The following NCALD variants were observed in gnomAD, a reference collection of about 807,000 sequenced individuals.
NCALD encodes the protein neurocalcin delta.
A neutral mutation model predicts 18.6 loss-of-function variants in NCALD; 10 were observed. The ratio of observed to expected loss-of-function variants is 0.54; its 90% CI spans 0.33 to 0.91. NCALD has a LOEUF of 0.91. Ranked by LOEUF, NCALD falls within the 40% of genes least tolerant of loss-of-function variation. The pLI is 0.03. For synonymous variants in NCALD, 88 were observed against 87.4 expected, an observed-to-expected ratio of 1.01 and a Z score of -0.04; for missense variants, 184 against 247.6, an observed-to-expected ratio of 0.74 and a Z score of 1.72.
intron 4 of NCALD, among the ~76,000 whole-genome samples, chr8:101,855,889 T>C (rs779636348): frequency 6.6e-6 from 1 of 152,210 alleles, no homozygotes; most frequent in African/African-American, 2.4e-5. Flanking sequence ...TGCTTCTAAT[T>C]ATAAGGTCTT....
At chr8:102,124,381 G>C (rs112818642), upstream of NCALD, 1 of 150,642 alleles carries the variant, frequency 6.6e-6, no homozygotes, top group African/African-American at 2.5e-5. Flanking sequence ...CTCCCTCCTC[G>C]CGGCCGCAGA....
At chr8:101,787,363 GA>G (rs1805969996) in intron 1 of NCALD, among the ~76,000 whole-genome samples, 2 of 152,186 alleles carry the variant, frequency 1.3e-5, no homozygotes, top group African/African-American at 4.8e-5. Context: ...GAGAACACAC[GA>G]AGACAAATTG....
intron 1 of NCALD, among the ~76,000 whole-genome samples, chr8:102,025,965 T>G (rs756238408): frequency 9.2e-5 from 14 of 152,134 alleles, no homozygotes; most frequent in Non-Finnish European, 1.8e-4. Flanking sequence ...ACATCCTTCT[T>G]CACACAGCAG....
At chr8:102,077,443 A>T (rs1303651896) in intron 1 of NCALD, among the ~76,000 whole-genome samples, 1 of 105,616 alleles carries the variant, frequency 9.5e-6, no homozygotes, top group Non-Finnish European at 2.0e-5. Context: ...ATGCCTCTGA[A>T]ATTGTTTCGA....
chr8:101,784,645 CA>C (rs1473745153), intron 1 of NCALD, among the ~76,000 whole-genome samples: 1 of 151,748 alleles, frequency 6.6e-6, no homozygotes, highest in South Asian at 2.1e-4. Context: ...AAAATAAAAA[CA>C]AAAATTTAGC....
intron 4 of NCALD, among the ~76,000 whole-genome samples, chr8:101,813,778 T>G (rs1422892856): frequency 6.6e-6 from 1 of 152,088 alleles, no homozygotes; most frequent in East Asian, 1.9e-4. Context: ...ATTATAGGAT[T>G]TGGTCCAGAT....
At chr8:101,897,407 C>G (rs1399360456) in intron 3 of NCALD, among the ~76,000 whole-genome samples, 1 of 145,646 alleles carries the variant, frequency 6.9e-6, no homozygotes, top group Non-Finnish European at 1.5e-5. Context: ...GGGAGATATA[C>G]CTAATGCTAG....
intron 2 of NCALD, among the ~76,000 whole-genome samples, chr8:101,995,914 C>A (rs968793390): frequency 6.6e-6 from 1 of 152,220 alleles, no homozygotes. Context: ...TAACTAACTT[C>A]TGCCCTGCAA....
intron 2 of NCALD, among the ~76,000 whole-genome samples, chr8:101,994,727 G>T (rs780770791): frequency 1.3e-5 from 2 of 152,134 alleles, no homozygotes; most frequent in Non-Finnish European, 2.9e-5. Context: ...ATATCCCCAA[G>T]GCTCATTACT....
At chr8:101,718,472 T>C (rs1209761899) in intron 2 of NCALD, among the ~76,000 whole-genome samples, 1 of 152,094 alleles carries the variant, frequency 6.6e-6, no homozygotes, top group Non-Finnish European at 1.5e-5. Context: ...CCCTATACTA[T>C]TTGTTCAGGG....
intron 1 of NCALD, among the ~76,000 whole-genome samples, chr8:102,060,231 TTG>T (rs1823799315): frequency 9.0e-5 from 7 of 78,038 alleles, no homozygotes; most frequent in African/African-American, 8.8e-4. Context: ...TCTGCCCGCC[TTG>T]GCCTCCCAAA....
chr8:102,015,050 G>A (rs900650555), intron 2 of NCALD, among the ~76,000 whole-genome samples: 5 of 152,108 alleles, frequency 3.3e-5, no homozygotes, highest in Admixed American at 2.0e-4. Context: ...CTCCCGAGAT[G>A]GCTAGGAAAT....
chr8:101,869,651 GC>G (rs1815924330), intron 4 of NCALD, among the ~76,000 whole-genome samples: 2 of 152,182 alleles, frequency 1.3e-5, no homozygotes, highest in South Asian at 4.1e-4. Flanking sequence ...TCTGCCTCTT[GC>G]CTCGGGCACC....
intron 2 of NCALD, among the ~76,000 whole-genome samples, chr8:101,954,249 A>G (rs867158510): frequency 6.6e-6 from 1 of 152,172 alleles, no homozygotes; most frequent in Non-Finnish European, 1.5e-5. Context: ...ACATCAGTAG[A>G]ATATGACAGG....
chr8:101,700,912 A>C (rs1291220233), intron 2 of NCALD, among the ~76,000 whole-genome samples: 1 of 152,186 alleles, frequency 6.6e-6, no homozygotes, highest in Non-Finnish European at 1.5e-5. Context: ...GGGAGGCACC[A>C]CGTCTGAGTG....
intron 1 of NCALD, among the ~76,000 whole-genome samples, chr8:102,096,428 A>G (rs1229193348): frequency 6.6e-6 from 1 of 152,184 alleles, no homozygotes; most frequent in Non-Finnish European, 1.5e-5. Flanking sequence ...AGACCATTTC[A>G]TGCTGACTTC....
At chr8:101,847,941 G>T (rs1226647918) in intron 4 of NCALD, among the ~76,000 whole-genome samples, 6 of 152,158 alleles carry the variant, frequency 3.9e-5, no homozygotes, top group Non-Finnish European at 8.8e-5. Context: ...CCCTTGAAAA[G>T]AAGATGCTGG....
At chr8:101,989,263 A>T (rs866699274) in intron 2 of NCALD, among the ~76,000 whole-genome samples, 8 of 152,196 alleles carry the variant, frequency 5.3e-5, no homozygotes, top group Non-Finnish European at 2.9e-5. Flanking sequence ...ACAGTTTTCA[A>T]AAGGAGCTAA....
intron 4 of NCALD, chr8:101,852,624 T>C (rs775972924): frequency 1.3e-5 from 2 of 152,190 alleles, no homozygotes; most frequent in Non-Finnish European, 2.9e-5. Flanking sequence ...AAATGCATTT[T>C]GCAGCAGGTC....
Sources: allele counts gnomAD v4.1 joint callset (sites outside exome capture counted in the v4.1 genomes callset), GRCh38; gene constraint gnomAD v4.1.1; transcripts MANE v1.5; gene names NCBI Gene and HGNC (gene_info 2026-07-23, HGNC 2026-07-21).